EPHA5: variants seen among roughly 807,000 people sequenced by gnomAD.
The protein encoded by EPHA5 is EPH receptor A5, also known as ephrin type-A receptor 5.
EPHA5 carries 60 observed loss-of-function variants against 105.0 expected under a neutral mutation model. The observed-to-expected ratio is 0.57, with a 90% CI of 0.46 to 0.71. The LOEUF (loss-of-function observed/expected upper bound fraction) is 0.71. Among genes scored for constraint, EPHA5 ranks in the 30% least tolerant of loss-of-function variants. The pLI, the probability that EPHA5 is intolerant of heterozygous loss-of-function variation, is 0.00. For missense variants in EPHA5, 1,218 were observed against 1,274.7 expected (o/e 0.96, Z 0.68); for synonymous variants, 513 against 449.1 (o/e 1.14, Z -1.80).
chr4:65,379,718 A>T (rs1156785490), intron 8 of EPHA5, among the ~76,000 whole-genome samples: 2 of 151,746 alleles, frequency 1.3e-5, no homozygotes, highest in African/African-American at 2.4e-5. Context: ...TTGATATGAC[A>T]TTACTAGACT....
intron 5 of EPHA5, among the ~76,000 whole-genome samples, chr4:65,460,390 G>T (rs966460996): frequency 6.6e-6 from 1 of 150,726 alleles, no homozygotes; most frequent in Non-Finnish European, 1.5e-5. Context: ...ACATTATTTA[G>T]TTTCCTTATG....
At chr4:65,445,804 T>C (rs1410531035) in intron 5 of EPHA5, among the ~76,000 whole-genome samples, 2 of 152,158 alleles carry the variant, frequency 1.3e-5, no homozygotes, top group Non-Finnish European at 2.9e-5. Context: ...CACATATGGA[T>C]AAAACCTCAG....
intron 2 of EPHA5, among the ~76,000 whole-genome samples, chr4:65,634,864 G>C (rs1384089470): frequency 6.6e-6 from 1 of 151,842 alleles, no homozygotes; most frequent in East Asian, 1.9e-4. Flanking sequence ...CCAAAATAAG[G>C]TTCTGGCAAA....
At chr4:65,521,086 T>A (rs1367203884) in intron 3 of EPHA5, among the ~76,000 whole-genome samples, 1 of 152,146 alleles carries the variant, frequency 6.6e-6, no homozygotes, top group Admixed American at 6.5e-5. Flanking sequence ...GTATGTTTAT[T>A]GCGGCACTAT....
intron 3 of EPHA5, among the ~76,000 whole-genome samples, chr4:65,585,872 A>C (rs1742072606): frequency 6.6e-6 from 1 of 151,790 alleles, no homozygotes; most frequent in Non-Finnish European, 1.5e-5. Context: ...TTTTATTGTA[A>C]AATTAGTAAT....
chr4:65,522,508 C>T (rs944929492), intron 3 of EPHA5, among the ~76,000 whole-genome samples: 7 of 151,720 alleles, frequency 4.6e-5, no homozygotes, highest in African/African-American at 1.7e-4. Flanking sequence ...ATCTGGAGTA[C>T]TGAGACTTAC....
intron 11 of EPHA5, among the ~76,000 whole-genome samples, chr4:65,359,923 A>G (rs946727797): frequency 7.3e-5 from 11 of 151,516 alleles, no homozygotes; most frequent in African/African-American, 2.7e-4. Context: ...TACATTGTCT[A>G]TTCTCCTACT....
chr4:65,421,303 T>C (rs1304221105), intron 5 of EPHA5, among the ~76,000 whole-genome samples: 1 of 152,084 alleles, frequency 6.6e-6, no homozygotes, highest in Non-Finnish European at 1.5e-5. Context: ...AAGTTCTTTT[T>C]ATCAATCTGC....
At chr4:65,488,835 T>C (rs944976790) in intron 5 of EPHA5, among the ~76,000 whole-genome samples, 5 of 151,822 alleles carry the variant, frequency 3.3e-5, no homozygotes, top group African/African-American at 1.2e-4. Flanking sequence ...AATGTTTCCG[T>C]CAGCTTTATC....
intron 3 of EPHA5, among the ~76,000 whole-genome samples, chr4:65,514,419 A>G (rs1373672998): frequency 6.6e-6 from 1 of 152,214 alleles, no homozygotes; most frequent in African/African-American, 2.4e-5. Flanking sequence ...AAGATACTCA[A>G]GAGGCCACAT....
intron 8 of EPHA5, among the ~76,000 whole-genome samples, chr4:65,391,405 T>C (rs937020955): frequency 1.3e-5 from 2 of 152,172 alleles, no homozygotes; most frequent in Non-Finnish European, 2.9e-5. Context: ...TCCTGGTTCA[T>C]GTAAGACCTT....
chr4:65,350,964 A>G (rs940793245), intron 13 of EPHA5, among the ~76,000 whole-genome samples: 2 of 151,932 alleles, frequency 1.3e-5, no homozygotes, highest in Non-Finnish European at 2.9e-5. Context: ...GAGAGCTTAA[A>G]CTACCCAATA....
intron 2 of EPHA5, among the ~76,000 whole-genome samples, chr4:65,609,248 A>C (rs982689094): frequency 6.6e-6 from 1 of 152,242 alleles, no homozygotes; most frequent in South Asian, 2.1e-4. Context: ...TTCAGCAAAA[A>C]TCATTTGAAT....
At chr4:65,645,815 A>T (rs1748070500) in intron 1 of EPHA5, among the ~76,000 whole-genome samples, 2 of 152,126 alleles carry the variant, frequency 1.3e-5, no homozygotes, top group Admixed American at 1.3e-4. Context: ...AGACTAGGAA[A>T]TTCACAAGAA....
Position 65,472,657 on chromosome 4 carries a change from A to G in EPHA5, c.1402+17720T>C, listed in dbSNP as rs372442830. Among the ~76,000 whole-genome samples the G allele has an allele frequency of 2.4e-4, 37 of 152,272 alleles. No homozygotes were observed. The East Asian group carries it at 5.1e-3, about 21-fold the overall frequency. On this transcript the variant is annotated intron_variant, in intron 5 of 16. Transcript: ENST00000613740. ...AGCTGTACCTTGGCACCTTTTAGCC[A>G]CAGCTGGAGCTGGAGCAGCTGGGAC...
Position 65,420,441 on chromosome 4 carries a change from C to G in EPHA5, c.1527G>C (p.Lys509Asn), listed in dbSNP as rs761446077. The G allele has an allele frequency of 6.4e-7, 1 of 1,574,246 alleles. No homozygotes were observed. The highest frequency in any genetic ancestry group is 1.2e-5 in the South Asian group (1 of 84,120). Residue 509 changes from lysine (K) to asparagine (N), a missense_variant and splice_region_variant, in exon 6 of 17, where the codon AAG becomes AAC. Around this residue, in one of 3 missense-constraint regions of EPHA5, gnomAD observed 971 missense variants for 1,013.5 expected, o/e 0.96. Transcript: ENST00000613740. ...ILEYEIKYFE[K>N]DQETSYTIIK... The stretch of plus-strand genomic sequence containing the variant: ...ACATTTTTTATTCTGTTAGTCTTAC[C>G]TTTTCAAAATACTTGATTTCATACT...
chr4:65,404,018 T>C (rs1299470194), intron 8 of EPHA5, among the ~76,000 whole-genome samples: 2 of 152,118 alleles, frequency 1.3e-5, no homozygotes, highest in Non-Finnish European at 2.9e-5. Flanking sequence ...AGATAGCTTT[T>C]CCCAAATGCT....
chr4:65,516,317 T>A (rs532638752), intron 3 of EPHA5, among the ~76,000 whole-genome samples: 1 of 152,268 alleles, frequency 6.6e-6, no homozygotes, highest in Non-Finnish European at 1.5e-5. Flanking sequence ...TAAATGAAAA[T>A]GTTATTAAAA....
At chr4:65,344,012 CAAAG>C (rs1324905240) in intron 14 of EPHA5, among the ~76,000 whole-genome samples, 1 of 151,868 alleles carries the variant, frequency 6.6e-6, no homozygotes, top group Non-Finnish European at 1.5e-5. Flanking sequence ...ATAAAAATCA[CAAAG>C]AAAGTACTAT....
Sources: gnomAD v4.1 joint callset for allele counts (sites outside exome capture counted in the v4.1 genomes callset) on GRCh38, gnomAD v4.1.1 for gene constraint, gnomAD v4.1.1 regional missense constraint, MANE v1.5 for transcripts, NCBI Gene and HGNC (gene_info 2026-07-23, HGNC 2026-07-21) for gene names.